RNF180: variants seen among roughly 807,000 people sequenced by gnomAD.
RNF180 encodes ring finger protein 180.
A neutral mutation model predicts 59.2 loss-of-function variants in RNF180; 38 were observed. That is an observed-to-expected ratio of 0.64 (90% CI 0.50 to 0.84). The LOEUF is 0.84. Among genes scored for constraint, RNF180 ranks in the 40% least tolerant of loss-of-function variants. The probability of loss-of-function intolerance (pLI) is 0.00; values close to 1 mark genes in which losing one functional copy is unlikely to be tolerated. For synonymous variants in RNF180, 262 were observed against 240.3 expected (o/e 1.09, Z -0.84); for missense variants, 705 against 700.9 (o/e 1.01, Z -0.07).
intron 1 of RNF180, among the ~76,000 whole-genome samples, chr5:64,176,982 A>C (rs1225147362): frequency 6.6e-6 from 1 of 152,194 alleles, no homozygotes; most frequent in Non-Finnish European, 1.5e-5. Flanking sequence ...CTGTCTACTC[A>C]AAGTTTGTTT....
intron 5 of RNF180, among the ~76,000 whole-genome samples, chr5:64,280,715 G>T (rs1264696643): frequency 1.3e-5 from 2 of 152,088 alleles, no homozygotes; most frequent in Admixed American, 6.6e-5. Context: ...TAGCCTTGTA[G>T]TATAGTTTAA....
At chr5:64,270,511 G>T (rs1741336963) in intron 5 of RNF180, among the ~76,000 whole-genome samples, 1 of 152,076 alleles carries the variant, frequency 6.6e-6, no homozygotes, top group African/African-American at 2.4e-5. Context: ...ATGTGCTCAT[G>T]TCATGCTGTT....
chr5:64,168,927 C>A (rs998937856), intron 1 of RNF180, among the ~76,000 whole-genome samples: 2 of 152,112 alleles, frequency 1.3e-5, no homozygotes, highest in African/African-American at 4.8e-5. Context: ...ATGCCCTAGG[C>A]ATGGCAGAAT....
chr5:64,243,406 T>A (rs1266807340), intron 5 of RNF180, among the ~76,000 whole-genome samples: 39 of 151,892 alleles, frequency 2.6e-4, no homozygotes, highest in Admixed American at 2.6e-3. Context: ...AGGGGAGGGG[T>A]GTCTGCCATA....
chr5:64,217,347 T>C lies in RNF180; in HGVS notation c.1192-14T>C. The C allele has an allele frequency of 1.4e-6, 2 of 1,393,644 alleles. No homozygotes were observed. The highest frequency in any genetic ancestry group is 1.9e-6 in the Non-Finnish European group (2 of 1,069,700). The allele number at this position is 1,393,644 out of a possible 1,614,324, so 86.3% of individuals were successfully genotyped here. ...TGCTTATTTTTGTGTGAACCTAATT[T>C]TTTATTTCTCTAGGGTAAATACTCA... On this transcript the variant is annotated splice_polypyrimidine_tract_variant and intron_variant, in intron 4 of 7. Transcript: ENST00000389100.
At chr5:64,265,879 G>A (rs569347375) in intron 5 of RNF180, among the ~76,000 whole-genome samples, 2 of 152,072 alleles carry the variant, frequency 1.3e-5, no homozygotes, top group Non-Finnish European at 2.9e-5. Flanking sequence ...CCACTTGTTT[G>A]TGTCCTCTTA....
At chr5:64,260,940 C>CTT (rs77043934) in intron 5 of RNF180, among the ~76,000 whole-genome samples, 18 of 137,180 alleles carry the variant, frequency 1.3e-4, no homozygotes, top group African/African-American at 4.0e-4. Flanking sequence ...TCAGTTTCCT[C>CTT]TTTTTTTTTT....
intron 5 of RNF180, among the ~76,000 whole-genome samples, chr5:64,241,777 T>G (rs1455740904): frequency 6.6e-6 from 1 of 152,136 alleles, no homozygotes; most frequent in African/African-American, 2.4e-5. Context: ...GGACAGTTTT[T>G]CATTACCCAC....
In RNF180 at chr5:64,214,279, C is replaced by T; in HGVS notation, c.953C>T (p.Ser318Leu). The T allele has an allele frequency of 6.2e-7, 1 of 1,614,064 alleles. No individual in the cohort carries two copies. The highest frequency in any genetic ancestry group is 8.5e-7 in the Non-Finnish European group (1 of 1,179,996). Residue 318 changes from serine to leucine, a missense_variant, in exon 4 of 8, where the codon TCA becomes TTA. Coordinates refer to ENST00000389100, the MANE Select transcript of RNF180 (RefSeq NM_001113561.2). ...TTTCAGTGTGGTCTAGAAGCTGCTTCAGTGTATTCTGACCATACTAATACT... is the reference window on the plus strand; with the variant it reads ...TTTCAGTGTGGTCTAGAAGCTGCTTTAGTGTATTCTGACCATACTAATACT... ...GEFQCGLEAASVYSDHTNTNN... is the reference protein window; with the variant it reads ...GEFQCGLEAALVYSDHTNTNN...
chr5:64,267,409 A>C (rs574860504), intron 5 of RNF180, among the ~76,000 whole-genome samples: 51 of 152,088 alleles, frequency 3.4e-4, no homozygotes, highest in Middle Eastern at 3.4e-3. Context: ...TGTGCAGGTT[A>C]GTTACATATG....
At chr5:64,268,452 C>T (rs1274566060) in intron 5 of RNF180, among the ~76,000 whole-genome samples, 4 of 151,846 alleles carry the variant, frequency 2.6e-5, no homozygotes, top group African/African-American at 7.3e-5. Flanking sequence ...ATAAATTTCC[C>T]TATATCTTAG....
At chr5:64,270,678 C>T (rs1580153145) in intron 5 of RNF180, among the ~76,000 whole-genome samples, 1 of 152,042 alleles carries the variant, frequency 6.6e-6, no homozygotes, top group Admixed American at 6.6e-5. Context: ...TCACTTACAC[C>T]TTTCTGAAGC....
In RNF180 at chr5:64,266,293, T is replaced by C. The variant is rs544593782; in HGVS notation, c.1227+48897T>C. 6.4e-4 allele frequency among the ~76,000 whole-genome samples: 98 copies of C among 152,264 alleles called. No individual in the cohort carries two copies. In the South Asian group the frequency reaches 0.018, roughly 28 times the overall value. On this transcript the variant is annotated intron_variant, in intron 5 of 7. Transcript: ENST00000389100. ...CATAGAAAAGAAATGTGTGTGGGAT[T>C]CTATGAGGGTTGCCAAGGAAGTTCT...
upstream of RNF180, among the ~76,000 whole-genome samples, chr5:64,165,368 T>G (rs555625761): frequency 6.6e-6 from 1 of 152,140 alleles, no homozygotes; most frequent in African/African-American, 2.4e-5. Flanking sequence ...GGTGGAACTT[T>G]AGGCACAAGA....
At chr5:64,290,169 C>T (rs906204642) in intron 5 of RNF180, among the ~76,000 whole-genome samples, 1 of 152,142 alleles carries the variant, frequency 6.6e-6, no homozygotes, top group Non-Finnish European at 1.5e-5. Context: ...ACAGATAGTT[C>T]CGTTTCCATG....
chr5:64,331,946 A>G (rs551989659), intron 7 of RNF180, among the ~76,000 whole-genome samples: 13 of 152,146 alleles, frequency 8.5e-5, no homozygotes, highest in African/African-American at 3.1e-4. Context: ...AAGCCGCATG[A>G]AGTATATCTC....
At chr5:64,300,511 T>C (rs1399366905) in intron 5 of RNF180, among the ~76,000 whole-genome samples, 1 of 151,842 alleles carries the variant, frequency 6.6e-6, no homozygotes, top group African/African-American at 2.4e-5. Context: ...TTTGGGATGT[T>C]ACTTCTTCAT....
chr5:64,218,181 T>TA (rs1281758273), intron 5 of RNF180, among the ~76,000 whole-genome samples: 2 of 152,214 alleles, frequency 1.3e-5, no homozygotes, highest in Non-Finnish European at 2.9e-5. Context: ...GTGTTGTATC[T>TA]AAGAACTCTG....
intron 5 of RNF180, among the ~76,000 whole-genome samples, chr5:64,320,028 C>T (rs1744265460): frequency 6.6e-6 from 1 of 152,128 alleles, no homozygotes; most frequent in African/African-American, 2.4e-5. Context: ...TCAGCATTAC[C>T]TGGGAACCTA....
Sources: allele counts gnomAD v4.1 joint callset (sites outside exome capture counted in the v4.1 genomes callset), GRCh38; gene constraint gnomAD v4.1.1; transcripts MANE v1.5; gene names NCBI Gene and HGNC (gene_info 2026-07-23, HGNC 2026-07-21).